ZBTB34: variants seen among roughly 807,000 people sequenced by gnomAD.
The protein encoded by ZBTB34 is zinc finger and BTB domain containing 34, also known as zinc finger and BTB domain-containing protein 34.
ZBTB34 carries 1 observed loss-of-function variant against 33.4 expected under a neutral mutation model. The ratio of observed to expected loss-of-function variants is 0.03; its 90% confidence interval spans 0.01 to 0.14. The LOEUF (loss-of-function observed/expected upper bound fraction) is 0.14. Among genes scored for constraint, ZBTB34 ranks in the 10% least tolerant of loss-of-function variants. The pLI, the probability that ZBTB34 is intolerant of heterozygous loss-of-function variation, is 1.00. For synonymous variants in ZBTB34, 283 were observed against 253.5 expected, an observed-to-expected ratio of 1.12 and a Z score of -1.11; for missense variants, 406 against 657.2, an observed-to-expected ratio of 0.62 and a Z score of 4.18.
chr9:126,880,883 A>G lies in ZBTB34; in HGVS notation c.1484A>G (p.Glu495Gly), dbSNP rs770021714. The change falls in exon 2 of 2, where the codon GAA (glutamate) becomes GGA (glycine). Residue 495 changes from glutamate to glycine, a missense_variant. Coordinates refer to ENST00000319119, the Ensembl canonical transcript of ZBTB34. The surrounding 1 kb of genome is among the most constrained non-coding windows in gnomAD (Gnocchi z 6.7). Reference sequence around the variant, plus strand: ...GAGATGGGCCTAGATTCCCGGATGGAAATTCACACAGTGTCTGATGCTCCC... The same window carrying G: ...GAGATGGGCCTAGATTCCCGGATGGGAATTCACACAGTGTCTGATGCTCCC... 11 of 1,612,646 alleles carry G rather than the reference A, an allele frequency of 6.8e-6. No homozygotes were observed. In the Admixed American group the frequency reaches 1.7e-4, roughly 24 times the overall value.
intron 1 of ZBTB34, among the ~76,000 whole-genome samples, chr9:126,871,798 T>G (rs1204801862): frequency 6.6e-6 from 1 of 152,088 alleles, no homozygotes; most frequent in East Asian, 1.9e-4. Flanking sequence ...ACCATATGCA[T>G]ATATTGTATT....
intron 1 of ZBTB34, among the ~76,000 whole-genome samples, chr9:126,866,494 C>CT (rs1405656423): frequency 6.6e-6 from 1 of 152,178 alleles, no homozygotes; most frequent in East Asian, 1.9e-4. Context: ...CCTGTTCCTG[C>CT]TTTTCCTTCT....
In ZBTB34 at chr9:126,880,117, G is replaced by A; in HGVS notation, c.718G>A (p.Val240Met). Reference sequence around the variant, plus strand: ...GGAGAGCCAGATCACCGAGGTGAAAGTGAAGATGGAGAAGTCCGACCGGCC... The same window carrying A: ...GGAGAGCCAGATCACCGAGGTGAAAATGAAGATGGAGAAGTCCGACCGGCC... The change falls in exon 2 of 2, where the codon GTG (valine) becomes ATG (methionine). Residue 240 changes from valine to methionine, a missense_variant. Physicochemically the swap from Val to Met is conservative, Grantham distance 21 (BLOSUM62 1). Coordinates refer to ENST00000319119, the Ensembl canonical transcript of ZBTB34. This position sits in a 1 kb window ranked among gnomAD's most constrained non-coding sequence, Gnocchi z 6.7. 1 of 1,613,790 alleles carries A rather than the reference G, an allele frequency of 6.2e-7. No homozygotes were observed. The highest frequency in any genetic ancestry group is 8.5e-7 in the Non-Finnish European group (1 of 1,179,890).
rs1270303838 is a variant in ZBTB34 at position 126,879,898 on chromosome 9, ATC to A, written c.504_505del (p.Pro169SerfsTer14). 6.2e-7 allele frequency: 1 copy of A among 1,612,956 alleles called. No homozygotes were observed. Among genetic ancestry groups the A allele is most frequent in the African/African-American group, 1.3e-5 (1 of 74,972 alleles). ...CAGCTTCTTTGCCAACCCAGTGGAGATCTCTCCTCCATATTGCTCTCAGGGAC... is the reference window on the plus strand; with the variant it reads ...CAGCTTCTTTGCCAACCCAGTGGAGATCTCCTCCATATTGCTCTCAGGGAC... On this transcript the variant is annotated frameshift_variant, in exon 2 of 2. Transcript: ENST00000319119. LOFTEE classifies it high-confidence loss of function. This position sits in a 1 kb window ranked among gnomAD's most constrained non-coding sequence, Gnocchi z 6.4.
chr9:126,870,199 G>T (rs2033259684), intron 1 of ZBTB34, among the ~76,000 whole-genome samples: 1 of 152,084 alleles, frequency 6.6e-6, no homozygotes, highest in South Asian at 2.1e-4. Context: ...GTTTTCTGAG[G>T]CAGCTGCAAA....
chr9:126,868,564 C>T (rs919695045), intron 1 of ZBTB34, among the ~76,000 whole-genome samples: 1 of 152,224 alleles, frequency 6.6e-6, no homozygotes, highest in African/African-American at 2.4e-5. Flanking sequence ...TCTCCCAAAG[C>T]TGCTCGCCTT....
intron 1 of ZBTB34, among the ~76,000 whole-genome samples, chr9:126,862,569 T>C (rs2119203034): frequency 6.6e-6 from 1 of 152,330 alleles, no homozygotes; most frequent in South Asian, 2.1e-4. Flanking sequence ...TGGGTTTTGC[T>C]TCTGTTGTTC....
intron 1 of ZBTB34, among the ~76,000 whole-genome samples, chr9:126,877,406 T>C (rs1056683621): frequency 4.6e-5 from 7 of 152,246 alleles, no homozygotes; most frequent in Admixed American, 4.6e-4. Context: ...TGTTTTCTCA[T>C]TGTCTAAGTA....
At chr9:126,864,890 A>G (rs2033180817) in intron 1 of ZBTB34, among the ~76,000 whole-genome samples, 5 of 152,124 alleles carry the variant, frequency 3.3e-5, no homozygotes, top group Non-Finnish European at 5.9e-5. Flanking sequence ...TTTGTATGAA[A>G]ATGAAAATTA....
exon 2 of ZBTB34, chr9:126,882,789 TTTTG>T (rs1441181679): frequency 6.0e-6 from 1 of 167,030 alleles, no homozygotes; most frequent in African/African-American, 2.4e-5. Flanking sequence ...GTGGATTTGT[TTTTG>T]TTTTTGTTTT....
At chr9:126,863,281 T>C (rs775674785) in intron 1 of ZBTB34, among the ~76,000 whole-genome samples, 1 of 152,164 alleles carries the variant, frequency 6.6e-6, no homozygotes, top group East Asian at 1.9e-4. Flanking sequence ...TAAACGAAAA[T>C]GGAACGAAGT....
intron 1 of ZBTB34, among the ~76,000 whole-genome samples, chr9:126,876,401 T>C (rs2033364655): frequency 6.6e-6 from 1 of 151,094 alleles, no homozygotes; most frequent in African/African-American, 2.4e-5. Flanking sequence ...TTTTCTCACA[T>C]GCATTTTTGA....
intron 1 of ZBTB34, 26 bp downstream of exon 1, chr9:126,860,765 G>C (rs190364236): frequency 6.9e-6 from 1 of 144,890 alleles, no homozygotes; most frequent in Non-Finnish European, 1.5e-5. Flanking sequence ...CGGGGGCGGC[G>C]AGCAGCGGGC....
intron 1 of ZBTB34, among the ~76,000 whole-genome samples, chr9:126,871,641 C>A (rs904052854): frequency 6.6e-6 from 1 of 151,836 alleles, no homozygotes; most frequent in African/African-American, 2.4e-5. Flanking sequence ...AAATAGATTT[C>A]TTTAAAGTAG....
At chr9:126,882,793 G>GTTTTTGT in exon 2 of ZBTB34, 1 of 167,136 alleles carries the variant, frequency 6.0e-6, no homozygotes. Context: ...ATTTGTTTTT[G>GTTTTTGT]TTTTTGTTTT....
At chr9:126,868,520 C>G (rs1023148075) in intron 1 of ZBTB34, among the ~76,000 whole-genome samples, 1 of 152,144 alleles carries the variant, frequency 6.6e-6, no homozygotes, top group Non-Finnish European at 1.5e-5. Context: ...CTCTGGTTGC[C>G]CAGCCGGCCA....
chr9:126,861,141 A>G (rs1361793540), intron 1 of ZBTB34, among the ~76,000 whole-genome samples: 1 of 152,066 alleles, frequency 6.6e-6, no homozygotes, highest in Non-Finnish European at 1.5e-5. Context: ...GAGGGAGGGC[A>G]GATGGTTGAG....
chr9:126,884,622 CTT>C (rs780098198), exon 2 of ZBTB34: 38 of 167,022 alleles, frequency 2.3e-4, no homozygotes, highest in Non-Finnish European at 2.8e-4. Flanking sequence ...ATAACCAACT[CTT>C]TGTTTTTCCC....
exon 2 of ZBTB34, chr9:126,883,090 C>T (rs551655965): frequency 6.0e-6 from 1 of 166,858 alleles, no homozygotes; most frequent in Non-Finnish European, 1.5e-5. Context: ...AAGCCGCGTG[C>T]CTCAAGGGGA....
Sources: gnomAD v4.1 joint callset for allele counts (sites outside exome capture counted in the v4.1 genomes callset) on GRCh38, gnomAD v4.1.1 for gene constraint, Gnocchi (gnomAD v3.1) non-coding constraint, MANE v1.5 for transcripts, NCBI Gene and HGNC (gene_info 2026-07-23, HGNC 2026-07-21) for gene names.